The following EXOC6B variants were observed in gnomAD, a reference collection of about 807,000 sequenced individuals.
EXOC6B encodes exocyst complex component 6B.
EXOC6B carries 54 observed loss-of-function variants against 113.5 expected under a neutral mutation model. That is an observed-to-expected ratio of 0.48 (90% CI 0.38 to 0.60). EXOC6B has a LOEUF of 0.60. Ranked by LOEUF, EXOC6B falls within the 20% of genes least tolerant of loss-of-function variation. The pLI, the probability that EXOC6B is intolerant of heterozygous loss-of-function variation, is 0.00. For synonymous variants in EXOC6B, 357 were observed against 339.0 expected, an observed-to-expected ratio of 1.05 and a Z score of -0.58; for missense variants, 797 against 977.5, an observed-to-expected ratio of 0.82 and a Z score of 2.46.
chr2:72,818,398 T>G (rs1294413239), intron 1 of EXOC6B, among the ~76,000 whole-genome samples: 2 of 150,842 alleles, frequency 1.3e-5, no homozygotes, highest in African/African-American at 2.4e-5. Flanking sequence ...CCTGACCTCG[T>G]GATCCGCCCG....
In EXOC6B at chr2:72,480,643, G is replaced by T; in HGVS notation, c.1773C>A (p.Thr591=). The T allele has an allele frequency of 6.3e-7, 1 of 1,586,766 alleles. No individual in the cohort carries two copies. The highest frequency in any genetic ancestry group is 8.6e-7 in the Non-Finnish European group (1 of 1,164,862). The stretch of plus-strand genomic sequence containing the variant: ...TAAAAGTTGTGGTGCCATAGAGCTT[G>T]GTAGTGTGAACTGTCTCTGGAAGCA... ...TNVLPETVHT[T]KLYGTTTFKD... Residue 591 remains threonine, a synonymous_variant, in exon 17 of 22, where the codon ACC becomes ACA. Coordinates refer to ENST00000272427, the MANE Select transcript of EXOC6B (RefSeq NM_015189.3).
At chr2:72,370,847 C>T (rs1241046702) in intron 19 of EXOC6B, among the ~76,000 whole-genome samples, 1 of 145,762 alleles carries the variant, frequency 6.9e-6, no homozygotes, top group East Asian at 2.0e-4. Context: ...GAACATCACA[C>T]ACTGGGGCCT....
At chr2:72,536,020 C>T (rs961434846) in intron 8 of EXOC6B, among the ~76,000 whole-genome samples, 14 of 152,100 alleles carry the variant, frequency 9.2e-5, no homozygotes, top group African/African-American at 3.4e-4. Flanking sequence ...TAATATGACA[C>T]TCAAGCAGAA....
chr2:72,251,440 G>C (rs187738949), intron 20 of EXOC6B, among the ~76,000 whole-genome samples: 127 of 152,324 alleles, frequency 8.3e-4, no homozygotes, highest in African/African-American at 3.0e-3. Context: ...GGTAGGAATA[G>C]ATATGAACCA....
intron 19 of EXOC6B, among the ~76,000 whole-genome samples, chr2:72,379,327 TG>T (rs1366348302): frequency 6.6e-6 from 1 of 152,264 alleles, no homozygotes; most frequent in Non-Finnish European, 1.5e-5. Flanking sequence ...ACATACCATT[TG>T]TTCTTTAAAC....
chr2:72,723,231 T>G (rs1680114987), intron 5 of EXOC6B, among the ~76,000 whole-genome samples: 1 of 152,202 alleles, frequency 6.6e-6, no homozygotes, highest in African/African-American at 2.4e-5. Context: ...TAAGTTTCAC[T>G]TGTATGTGTG....
chr2:72,715,796 G>A (rs190219271), intron 6 of EXOC6B, among the ~76,000 whole-genome samples: 1 of 152,254 alleles, frequency 6.6e-6, no homozygotes, highest in East Asian at 1.9e-4. Context: ...TTTTAGTTGA[G>A]TAGTTACCAG....
chr2:72,359,229 C>A (rs955873168), intron 19 of EXOC6B, among the ~76,000 whole-genome samples: 35 of 152,082 alleles, frequency 2.3e-4, no homozygotes, highest in African/African-American at 8.2e-4. Context: ...ATCTTCAGTG[C>A]AACAGGATTA....
chr2:72,662,932 G>T (rs952629725), intron 6 of EXOC6B, among the ~76,000 whole-genome samples: 2 of 151,874 alleles, frequency 1.3e-5, no homozygotes, highest in Admixed American at 1.3e-4. Context: ...TGTTGGCAAG[G>T]ATGTTCTCAA....
intron 6 of EXOC6B, among the ~76,000 whole-genome samples, chr2:72,613,497 A>T (rs1265679977): frequency 6.6e-6 from 1 of 152,092 alleles, no homozygotes; most frequent in Non-Finnish European, 1.5e-5. Context: ...ATACAGAACA[A>T]AAATAATATG....
intron 20 of EXOC6B, among the ~76,000 whole-genome samples, chr2:72,333,695 C>T (rs1342440279): frequency 6.6e-6 from 1 of 152,078 alleles, no homozygotes; most frequent in African/African-American, 2.4e-5. Context: ...AGAGAACCCC[C>T]ACCTTGGCCC....
chr2:72,310,850 AAC>A (rs375159478), intron 20 of EXOC6B, among the ~76,000 whole-genome samples: 3,210 of 119,984 alleles, frequency 0.027, 45 homozygotes, highest in African/African-American at 0.047. Context: ...TATTTCATTT[AAC>A]ACACACACAC....
intron 7 of EXOC6B, among the ~76,000 whole-genome samples, chr2:72,571,280 T>C (rs1365507586): frequency 6.6e-6 from 1 of 152,176 alleles, no homozygotes; most frequent in African/African-American, 2.4e-5. Flanking sequence ...CTGGGTATGG[T>C]GGCTCATGCC....
At chr2:72,357,770 C>T (rs1430686670) in intron 19 of EXOC6B, among the ~76,000 whole-genome samples, 1 of 151,948 alleles carries the variant, frequency 6.6e-6, no homozygotes, top group Admixed American at 6.6e-5. Flanking sequence ...CATAGTGCAA[C>T]ACATTACCGC....
chr2:72,622,701 AC>A (rs1671818820), intron 6 of EXOC6B, among the ~76,000 whole-genome samples: 1 of 152,052 alleles, frequency 6.6e-6, no homozygotes, highest in South Asian at 2.1e-4. Flanking sequence ...CAGAGCCCAG[AC>A]CCTGTTTCAA....
intron 19 of EXOC6B, among the ~76,000 whole-genome samples, chr2:72,356,556 C>G (rs371202791): frequency 6.6e-6 from 1 of 152,100 alleles, no homozygotes; most frequent in Non-Finnish European, 1.5e-5. Context: ...AACAAAAAAA[C>G]AAACTAACTA....
At chr2:72,647,914 A>G (rs1344512988) in intron 6 of EXOC6B, among the ~76,000 whole-genome samples, 1 of 152,058 alleles carries the variant, frequency 6.6e-6, no homozygotes, top group Non-Finnish European at 1.5e-5. Context: ...GGCAAGAAAA[A>G]CCAAAATAGA....
At position 72,285,790 on chromosome 2, in the gene EXOC6B, T is replaced by TA. The variant is rs371272096; in HGVS notation, c.2196+49156dup. Among the ~76,000 whole-genome samples, 4 of 151,562 alleles carry TA rather than the reference T, an allele frequency of 2.6e-5. 1 individual carries two copies. The highest frequency in any genetic ancestry group is 7.3e-5 in the African/African-American group (3 of 41,250). On this transcript the variant is annotated intron_variant, in intron 20 of 21. Transcript: ENST00000272427. ...TACAAAGAATTTTTAAAGTGCACAA[T>TA]AAAAAAACAAACAATCCAATTAAAA...
chr2:72,338,731 C>T (rs1449857887), intron 19 of EXOC6B, among the ~76,000 whole-genome samples: 5 of 151,976 alleles, frequency 3.3e-5, no homozygotes, highest in Admixed American at 3.3e-4. Context: ...CTAATTTCAA[C>T]TATATAAAAT....
Sources: gnomAD v4.1 joint callset for allele counts (sites outside exome capture counted in the v4.1 genomes callset) on GRCh38, gnomAD v4.1.1 for gene constraint, MANE v1.5 for transcripts, NCBI Gene and HGNC (gene_info 2026-07-23, HGNC 2026-07-21) for gene names.